PRKD1: variants seen among roughly 807,000 people sequenced by gnomAD.
The protein encoded by PRKD1 is protein kinase D1.
A neutral mutation model predicts 95.9 loss-of-function variants in PRKD1; 63 were observed. That is an observed-to-expected ratio of 0.66 (90% CI 0.54 to 0.81). The LOEUF is 0.81. Among genes scored for constraint, PRKD1 ranks in the 30% least tolerant of loss-of-function variants. The probability of loss-of-function intolerance (pLI) is 0.00; values close to 1 mark genes in which losing one functional copy is unlikely to be tolerated. For synonymous variants in PRKD1, 425 were observed against 423.1 expected (o/e 1.00, Z -0.05); for missense variants, 1,048 against 1,165.3 (o/e 0.90, Z 1.47).
At chr14:29,601,904 A>C (rs1893533864) in intron 13 of PRKD1, among the ~76,000 whole-genome samples, 1 of 152,208 alleles carries the variant, frequency 6.6e-6, no homozygotes, top group Non-Finnish European at 1.5e-5. Flanking sequence ...GTTCTCTTTT[A>C]ATCAATAATC....
intron 1 of PRKD1, among the ~76,000 whole-genome samples, chr14:29,741,393 C>G (rs954333411): frequency 6.6e-6 from 1 of 152,122 alleles, no homozygotes; most frequent in African/African-American, 2.4e-5. Flanking sequence ...TGTGTATATA[C>G]TTGCATATAT....
chr14:29,741,413 T>G (rs912970466), intron 1 of PRKD1, among the ~76,000 whole-genome samples: 3 of 152,218 alleles, frequency 2.0e-5, no homozygotes, highest in African/African-American at 7.2e-5. Flanking sequence ...TACTTATACC[T>G]GTTTGTATGT....
At chr14:29,619,167 CT>C (rs560542403) in intron 13 of PRKD1, among the ~76,000 whole-genome samples, 266 of 146,886 alleles carry the variant, frequency 1.8e-3, no homozygotes, top group African/African-American at 5.0e-3. Flanking sequence ...AATCACGGTA[CT>C]TTTTTTTTTT....
chr14:29,603,683 C>G (rs1308848480), intron 13 of PRKD1, among the ~76,000 whole-genome samples: 1 of 151,870 alleles, frequency 6.6e-6, no homozygotes, highest in East Asian at 1.9e-4. Context: ...TCCTAATGTC[C>G]AAAGTAACAG....
intron 1 of PRKD1, among the ~76,000 whole-genome samples, chr14:29,826,842 CACATATATATATAT>C (rs1435150263): frequency 2.5e-4 from 5 of 19,874 alleles, no homozygotes; most frequent in African/African-American, 5.9e-4. Flanking sequence ...TATATATACA[CACATATATATATAT>C]ATATATATAT....
At chr14:29,686,439 C>CATCT (rs1239427987) in intron 2 of PRKD1, among the ~76,000 whole-genome samples, 1 of 152,208 alleles carries the variant, frequency 6.6e-6, no homozygotes, top group African/African-American at 2.4e-5. Flanking sequence ...CTTTAGCTAT[C>CATCT]ATCTCCACAC....
chr14:29,779,403 C>A (rs1393942977), intron 1 of PRKD1, among the ~76,000 whole-genome samples: 1 of 152,084 alleles, frequency 6.6e-6, no homozygotes, highest in African/African-American at 2.4e-5. Context: ...GTCTCAGCCC[C>A]AAATCTCCTT....
chr14:29,630,349 A>G (rs928453105), intron 10 of PRKD1, among the ~76,000 whole-genome samples: 1 of 151,852 alleles, frequency 6.6e-6, no homozygotes, highest in African/African-American at 2.4e-5. Context: ...CATGTTGCCC[A>G]GGCTGGACTA....
intron 2 of PRKD1, among the ~76,000 whole-genome samples, chr14:29,686,598 G>C (rs567970962): frequency 6.6e-4 from 101 of 152,286 alleles, no homozygotes; most frequent in Non-Finnish European, 1.2e-3. Flanking sequence ...CTACTCTAAA[G>C]AACGCCAGTT....
At chr14:29,896,149 C>G (rs183341701) in intron 1 of PRKD1, among the ~76,000 whole-genome samples, 8 of 152,242 alleles carry the variant, frequency 5.3e-5, no homozygotes, top group Admixed American at 4.6e-4. Flanking sequence ...CCAAGTGAAT[C>G]ATGCCCCAAA....
chr14:29,856,416 A>G (rs1324680577), intron 1 of PRKD1, among the ~76,000 whole-genome samples: 4 of 152,224 alleles, frequency 2.6e-5, no homozygotes, highest in African/African-American at 9.6e-5. Context: ...GTCCCCAAGC[A>G]GAACAAAAAA....
chr14:29,765,730 AT>A (rs1888227701), intron 1 of PRKD1, among the ~76,000 whole-genome samples: 1 of 152,228 alleles, frequency 6.6e-6, no homozygotes, highest in Non-Finnish European at 1.5e-5. Flanking sequence ...ATAAACAACA[AT>A]GTAAATAAAT....
intron 4 of PRKD1, among the ~76,000 whole-genome samples, chr14:29,640,612 T>C (rs965484104): frequency 2.0e-5 from 3 of 152,190 alleles, no homozygotes; most frequent in African/African-American, 7.2e-5. Flanking sequence ...ATTGAATAAA[T>C]ACTTTCAATG....
chr14:29,792,223 C>T (rs1566604188), intron 1 of PRKD1, among the ~76,000 whole-genome samples: 1 of 151,992 alleles, frequency 6.6e-6, no homozygotes, highest in Non-Finnish European at 1.5e-5. Flanking sequence ...ATTATGTTAG[C>T]TAATATATAA....
chr14:29,800,175 G>A (rs2139215545), intron 1 of PRKD1, among the ~76,000 whole-genome samples: 2 of 152,260 alleles, frequency 1.3e-5, no homozygotes, highest in South Asian at 4.1e-4. Context: ...AGACTCACAG[G>A]AACTAACCCA....
At chr14:29,886,760 T>A (rs549672251) in intron 1 of PRKD1, among the ~76,000 whole-genome samples, 1 of 152,330 alleles carries the variant, frequency 6.6e-6, no homozygotes, top group East Asian at 1.9e-4. Context: ...AAGATAATCT[T>A]CAATAGATTC....
intron 7 of PRKD1, 65 bp from the exon 8 acceptor site, chr14:29,634,606 T>C: frequency 6.3e-7 from 1 of 1,587,668 alleles, no homozygotes; most frequent in Non-Finnish European, 8.6e-7. Flanking sequence ...TTTTCATGCA[T>C]AAAACCTTAT....
intron 16 of PRKD1, among the ~76,000 whole-genome samples, chr14:29,578,832 C>T (rs1394442166): frequency 6.6e-6 from 1 of 152,060 alleles, no homozygotes; most frequent in Non-Finnish European, 1.5e-5. Context: ...ATCTGAACAT[C>T]ATATTTGTAT....
intron 2 of PRKD1, among the ~76,000 whole-genome samples, chr14:29,708,721 C>T (rs1240271467): frequency 6.6e-6 from 1 of 151,996 alleles, no homozygotes; most frequent in African/African-American, 2.4e-5. Flanking sequence ...GGCATGGTGG[C>T]TCGCATGCCA....
Sources: allele counts gnomAD v4.1 joint callset (sites outside exome capture counted in the v4.1 genomes callset), GRCh38; gene constraint gnomAD v4.1.1; transcripts MANE v1.5; gene names NCBI Gene and HGNC (gene_info 2026-07-23, HGNC 2026-07-21).